Variants in MEGF11 observed in about 807,000 individuals in gnomAD.
MEGF11 encodes multiple EGF like domains 11.
In MEGF11, 126 loss-of-function variants were observed where a neutral mutation model predicts 146.6. The observed-to-expected ratio is 0.86, with a 90% confidence interval of 0.74 to 1.00. MEGF11 has a LOEUF of 1.00. Among genes scored for constraint, MEGF11 ranks in the 50% least tolerant of loss-of-function variants. The pLI is 0.00. For missense variants in MEGF11, 1,509 were observed against 1,521.2 expected, an observed-to-expected ratio of 0.99 and a Z score of 0.13; for synonymous variants, 532 against 583.4, an observed-to-expected ratio of 0.91 and a Z score of 1.27.
chr15:66,147,868 T>C (rs1325744220), intron 1 of MEGF11, among the ~76,000 whole-genome samples: 1 of 152,234 alleles, frequency 6.6e-6, no homozygotes, highest in Non-Finnish European at 1.5e-5. Context: ...CCTTTTCTGA[T>C]TAAAAATAAT....
At chr15:66,030,416 T>C (rs1392230110) in intron 5 of MEGF11, among the ~76,000 whole-genome samples, 1 of 152,106 alleles carries the variant, frequency 6.6e-6, no homozygotes, top group East Asian at 1.9e-4. Context: ...CCTCAACCTT[T>C]TTATTCTTTT....
At position 65,916,218 on chromosome 15, in the gene MEGF11, G is replaced by A. The variant is rs754434534; in HGVS notation, c.2274C>T (p.Gly758=). The change falls in exon 18 of 26, where the codon GGC becomes GGT. Residue 758 remains glycine (G), a synonymous_variant. Coordinates refer to ENST00000395614, the MANE Select transcript of MEGF11 (RefSeq NM_001385028.1). ...DCGRVCQCQN[G]ASCDHISGKC... is the part of the protein sequence containing the mutation. ...TGCCACTGATGTGGTCACAGCTGGC[G>A]CCATTCTGACACTGGCATACGCGCC... 22 of 1,571,040 alleles carry A rather than the reference G, an allele frequency of 1.4e-5. No homozygotes were observed. The highest frequency in any genetic ancestry group is 5.6e-5 in the Admixed American group (3 of 53,464).
chr15:65,916,318 T>TGGGGACAAG, intron 17 of MEGF11, 42 bp from the exon 18 acceptor site: 1 of 1,537,696 alleles, frequency 6.5e-7, no homozygotes, highest in South Asian at 1.2e-5. Context: ...TGCTGCTGGG[T>TGGGGACAAG]GGGGACAAGG....
At chr15:66,194,012 G>A (rs1289017716) in intron 1 of MEGF11, among the ~76,000 whole-genome samples, 2 of 152,010 alleles carry the variant, frequency 1.3e-5, no homozygotes, top group African/African-American at 4.8e-5. Context: ...TCTATCCAGA[G>A]GAAAAGAAGT....
At chr15:66,078,084 G>A (rs1176911365) in intron 5 of MEGF11, among the ~76,000 whole-genome samples, 1 of 152,278 alleles carries the variant, frequency 6.6e-6, no homozygotes, top group Non-Finnish European at 1.5e-5. Flanking sequence ...AGTTTCAAGG[G>A]TGGTCTCCAG....
Position 65,909,744 on chromosome 15 carries a change from C to T in MEGF11, c.2892G>A (p.Val964=). 1.3e-6 allele frequency: 2 copies of T among 1,577,798 alleles called. No homozygotes were observed. Among genetic ancestry groups the T allele is most frequent in the Non-Finnish European group, 1.7e-6 (2 of 1,169,670 alleles). ...AGWTPYSYVN[V]LDSHFQISAL... ...CAGACTCACACCACTACTGACCTAACACGTTCACATAGCTGTAGGGGGTCC... is the reference window on the plus strand; with the variant it reads ...CAGACTCACACCACTACTGACCTAATACGTTCACATAGCTGTAGGGGGTCC... Residue 964 remains valine, a synonymous_variant, in exon 22 of 26, where the codon GTG becomes GTA. Coordinates refer to ENST00000395614, the MANE Select transcript of MEGF11 (RefSeq NM_001385028.1).
chr15:66,066,345 C>T lies in MEGF11; in HGVS notation c.394+28057G>A, dbSNP rs978891826. Among the ~76,000 whole-genome samples the T allele has an allele frequency of 3.3e-5, 5 of 152,156 alleles. 1 individual carries two copies. Among genetic ancestry groups the T allele is most frequent in the African/African-American group, 1.2e-4 (5 of 41,418 alleles). On this transcript the variant is annotated intron_variant, in intron 5 of 25. Coordinates refer to ENST00000395614, the MANE Select transcript of MEGF11 (RefSeq NM_001385028.1). ...TGGTTGCTGACCTCCCTCCCCACCA[C>T]CTCCCCACTGTTGGCATGCTGGGAT...
chr15:65,984,162 C>T (rs990521609), intron 5 of MEGF11, among the ~76,000 whole-genome samples: 3 of 152,168 alleles, frequency 2.0e-5, no homozygotes, highest in Non-Finnish European at 2.9e-5. Flanking sequence ...CTATATTTTC[C>T]ACCTGCTATT....
chr15:66,231,893 CCT>C (rs2091974534), intron 1 of MEGF11, among the ~76,000 whole-genome samples: 1 of 152,198 alleles, frequency 6.6e-6, no homozygotes, highest in Admixed American at 6.5e-5. Flanking sequence ...CTCACCAAGC[CCT>C]TACCGTGTGC....
intron 5 of MEGF11, among the ~76,000 whole-genome samples, chr15:66,068,291 G>C (rs910226442): frequency 1.5e-4 from 23 of 152,154 alleles, no homozygotes; most frequent in African/African-American, 5.3e-4. Flanking sequence ...TATAGATACA[G>C]GGTTTCTCTG....
At chr15:66,096,956 C>T (rs1812772758) in intron 4 of MEGF11, among the ~76,000 whole-genome samples, 1 of 152,212 alleles carries the variant, frequency 6.6e-6, no homozygotes, top group South Asian at 2.1e-4. Context: ...GACCTCAGCT[C>T]AGTCCTGTAT....
chr15:66,207,122 G>A (rs1370190457), intron 1 of MEGF11, among the ~76,000 whole-genome samples: 2 of 151,884 alleles, frequency 1.3e-5, no homozygotes, highest in East Asian at 3.9e-4. Flanking sequence ...TAGAGGAAAG[G>A]CAGAAAAAAT....
At chr15:66,106,669 A>G (rs1207717757) in intron 4 of MEGF11, among the ~76,000 whole-genome samples, 16 of 152,112 alleles carry the variant, frequency 1.1e-4, no homozygotes, top group Admixed American at 1.0e-3. Flanking sequence ...CAGCTGGTAT[A>G]ACACGCCTGC....
chr15:66,041,859 C>T (rs768823747), intron 5 of MEGF11, among the ~76,000 whole-genome samples: 2 of 152,120 alleles, frequency 1.3e-5, no homozygotes, highest in Middle Eastern at 3.2e-3. Flanking sequence ...AGCTAAGTTA[C>T]GTGCTCAAGG....
At chr15:65,909,951 G>A (rs1339777434) in intron 21 of MEGF11, 145 bp from the exon 22 acceptor site, 1 of 730,170 alleles carries the variant, frequency 1.4e-6, no homozygotes, top group Admixed American at 2.0e-5. Flanking sequence ...GGGCGAGCTA[G>A]GTGTTCCATG....
At chr15:65,941,526 C>A (rs755945116) in intron 10 of MEGF11, among the ~76,000 whole-genome samples, 1 of 152,134 alleles carries the variant, frequency 6.6e-6, no homozygotes, top group Admixed American at 6.5e-5. Context: ...GGCCGTGCCA[C>A]TTACTGGCTG....
intron 11 of MEGF11, among the ~76,000 whole-genome samples, 180 bp from the exon 12 acceptor site, chr15:65,930,063 C>T (rs1596857308): frequency 6.6e-6 from 1 of 152,310 alleles, no homozygotes; most frequent in East Asian, 1.9e-4. Context: ...AGAGCTGGGG[C>T]TAGAACCCAG....
At chr15:66,181,027 T>C (rs1429249027) in intron 1 of MEGF11, among the ~76,000 whole-genome samples, 2 of 152,368 alleles carry the variant, frequency 1.3e-5, no homozygotes, top group East Asian at 3.9e-4. Context: ...CATTAAAATG[T>C]AAATGTTTGC....
chr15:65,916,355 C>T (rs1231872954), intron 17 of MEGF11, 79 bp from the exon 18 acceptor site: 1 of 1,475,798 alleles, frequency 6.8e-7, no homozygotes, highest in East Asian at 2.5e-5. Flanking sequence ...GACCTGTCTT[C>T]TGTCTCTTTT....
Sources: gnomAD v4.1 joint callset for allele counts (sites outside exome capture counted in the v4.1 genomes callset) on GRCh38, gnomAD v4.1.1 for gene constraint, MANE v1.5 for transcripts, NCBI Gene and HGNC (gene_info 2026-07-23, HGNC 2026-07-21) for gene names.